Variants in ANKS1B observed in about 807,000 individuals in gnomAD.
The protein encoded by ANKS1B is ankyrin repeat and sterile alpha motif domain containing 1B.
In ANKS1B, 36 loss-of-function variants were observed where a neutral mutation model predicts 148.3. The observed-to-expected ratio is 0.24, with a 90% confidence interval of 0.19 to 0.32. The LOEUF is 0.32. ANKS1B is among the 10% of genes least tolerant of loss of function. The pLI, the probability that ANKS1B is intolerant of heterozygous loss-of-function variation, is 1.00. For missense variants in ANKS1B, 1,157 were observed against 1,542.6 expected, an observed-to-expected ratio of 0.75 and a Z score of 4.19; for synonymous variants, 542 against 560.8, an observed-to-expected ratio of 0.97 and a Z score of 0.47.
At chr12:98,888,725 G>A (rs2099745763) in intron 17 of ANKS1B, among the ~76,000 whole-genome samples, 2 of 152,240 alleles carry the variant, frequency 1.3e-5, no homozygotes, top group South Asian at 4.2e-4. Flanking sequence ...GTCTCTGTTG[G>A]AGGGCCACCT....
At chr12:99,128,193 G>A (rs762917544) in intron 15 of ANKS1B, among the ~76,000 whole-genome samples, 6 of 151,988 alleles carry the variant, frequency 3.9e-5, no homozygotes, top group East Asian at 1.9e-4. Context: ...TTCTAAGTGC[G>A]GCACATACTT....
intron 10 of ANKS1B, among the ~76,000 whole-genome samples, chr12:99,445,959 G>A (rs1162408458): frequency 6.6e-6 from 1 of 151,974 alleles, no homozygotes; most frequent in Non-Finnish European, 1.5e-5. Flanking sequence ...CTGAGCTGTA[G>A]TGATCCACCC....
chr12:98,965,588 A>G (rs1446239511), intron 17 of ANKS1B, among the ~76,000 whole-genome samples: 1 of 152,216 alleles, frequency 6.6e-6, no homozygotes, highest in East Asian at 1.9e-4. Flanking sequence ...TTATCTTAAT[A>G]AGACAATCCT....
chr12:99,760,858 G>A (rs769312743), intron 8 of ANKS1B, among the ~76,000 whole-genome samples: 2 of 150,874 alleles, frequency 1.3e-5, no homozygotes, highest in African/African-American at 2.4e-5. Context: ...TGGCAAAGGT[G>A]ACATTAAAAC....
intron 17 of ANKS1B, among the ~76,000 whole-genome samples, chr12:98,888,385 T>C (rs1357425263): frequency 1.3e-5 from 2 of 152,240 alleles, no homozygotes; most frequent in East Asian, 3.8e-4. Flanking sequence ...ACTACTCTCA[T>C]AGTCTTCTGT....
chr12:99,189,213 C>CA (rs1470415236), intron 14 of ANKS1B, among the ~76,000 whole-genome samples: 4 of 151,688 alleles, frequency 2.6e-5, no homozygotes, highest in South Asian at 2.1e-4. Context: ...GCCTACCAAC[C>CA]AAAAAAAAGT....
At chr12:99,583,827 T>C (rs913781299) in intron 9 of ANKS1B, among the ~76,000 whole-genome samples, 1 of 152,252 alleles carries the variant, frequency 6.6e-6, no homozygotes, top group African/African-American at 2.4e-5. Flanking sequence ...TTAATTTTAA[T>C]TGAGGAACTA....
intron 1 of ANKS1B, among the ~76,000 whole-genome samples, chr12:99,876,731 C>A (rs77223080): frequency 1.3e-4 from 19 of 140,910 alleles, no homozygotes; most frequent in Non-Finnish European, 1.1e-4. Context: ...CTGCTTCTCA[C>A]AAAAAAAAAA....
At chr12:99,346,867 G>A (rs1290244699) in intron 12 of ANKS1B, among the ~76,000 whole-genome samples, 1 of 151,886 alleles carries the variant, frequency 6.6e-6, no homozygotes, top group African/African-American at 2.4e-5. Flanking sequence ...GCCAGTCAAA[G>A]GTTTGCAGCA....
At chr12:99,299,637 A>C (rs1382083722) in intron 12 of ANKS1B, among the ~76,000 whole-genome samples, 1 of 152,108 alleles carries the variant, frequency 6.6e-6, no homozygotes, top group Admixed American at 6.5e-5. Context: ...ACTTTCAATG[A>C]TCTAATTTTC....
At chr12:99,119,660 T>C (rs1416701995) in intron 15 of ANKS1B, among the ~76,000 whole-genome samples, 1 of 152,174 alleles carries the variant, frequency 6.6e-6, no homozygotes, top group Non-Finnish European at 1.5e-5. Context: ...CAGAATCCCT[T>C]CCATTGTCAG....
At chr12:99,232,524 C>T (rs867861954) in intron 14 of ANKS1B, among the ~76,000 whole-genome samples, 4 of 152,158 alleles carry the variant, frequency 2.6e-5, no homozygotes, top group South Asian at 4.1e-4. Flanking sequence ...ATGACAAGCA[C>T]GTCCCGTGGA....
At chr12:99,410,371 A>C (rs1594230264) in intron 11 of ANKS1B, among the ~76,000 whole-genome samples, 1 of 152,194 alleles carries the variant, frequency 6.6e-6, no homozygotes, top group East Asian at 1.9e-4. Flanking sequence ...CTTTCTATAA[A>C]GTGAATAGGA....
At chr12:99,332,107 C>T (rs892540068) in intron 12 of ANKS1B, among the ~76,000 whole-genome samples, 2 of 151,900 alleles carry the variant, frequency 1.3e-5, no homozygotes, top group Non-Finnish European at 2.9e-5. Context: ...TCCTTTCCCT[C>T]GATATGCTGT....
At chr12:99,852,932 C>T (rs964821587) in intron 1 of ANKS1B, among the ~76,000 whole-genome samples, 1 of 152,132 alleles carries the variant, frequency 6.6e-6, no homozygotes, top group African/African-American at 2.4e-5. Flanking sequence ...CTGGGTGAGG[C>T]CTGTGGCTGC....
At chr12:99,527,467 T>A (rs542581381) in intron 9 of ANKS1B, among the ~76,000 whole-genome samples, 1 of 152,182 alleles carries the variant, frequency 6.6e-6, no homozygotes, top group Non-Finnish European at 1.5e-5. Flanking sequence ...CTGCACAAAG[T>A]CCACCTGGAT....
intron 17 of ANKS1B, among the ~76,000 whole-genome samples, chr12:99,050,340 T>A (rs2099965160): frequency 1.3e-5 from 2 of 152,184 alleles, no homozygotes; most frequent in South Asian, 4.1e-4. Flanking sequence ...GTTTTCTGAT[T>A]TCCAAGTCTG....
chr12:99,436,984 G>T (rs543828701), intron 11 of ANKS1B, among the ~76,000 whole-genome samples: 1 of 152,138 alleles, frequency 6.6e-6, no homozygotes, highest in African/African-American at 2.4e-5. Flanking sequence ...ATTCCATTTA[G>T]GATGAGGTTT....
chr12:99,387,821 C>G (rs1012064050), intron 12 of ANKS1B, among the ~76,000 whole-genome samples: 2 of 134,750 alleles, frequency 1.5e-5, no homozygotes, highest in Non-Finnish European at 3.3e-5. Context: ...TATAACAGCC[C>G]GAATGAACTA....
Sources: allele counts gnomAD v4.1 joint callset (sites outside exome capture counted in the v4.1 genomes callset), GRCh38; gene constraint gnomAD v4.1.1; transcripts MANE v1.5; gene names NCBI Gene and HGNC (gene_info 2026-07-23, HGNC 2026-07-21).